The following FBH1 variants were observed in gnomAD, a reference collection of about 807,000 sequenced individuals.
FBH1 encodes the protein F-box DNA helicase 1.
FBH1 carries 43 observed loss-of-function variants against 115.5 expected under a neutral mutation model. The ratio of observed to expected loss-of-function variants is 0.37; its 90% confidence interval spans 0.29 to 0.48. The LOEUF is 0.48. FBH1 is among the 20% of genes least tolerant of loss of function. FBH1 has a pLI of 0.99. For synonymous variants in FBH1, 524 were observed against 507.8 expected (o/e 1.03, Z -0.43); for missense variants, 1,001 against 1,337.3 (o/e 0.75, Z 3.92).
intron 1 of FBH1, among the ~76,000 whole-genome samples, chr10:5,898,451 T>G (rs1458405177): frequency 6.7e-6 from 1 of 150,292 alleles, no homozygotes; most frequent in Non-Finnish European, 1.5e-5. Flanking sequence ...CTCTCCATTG[T>G]CCAGGCTGGA....
At chr10:5,934,967 C>T in intron 19 of FBH1, 1 of 152,188 alleles carries the variant, frequency 6.6e-6, no homozygotes, top group Non-Finnish European at 1.5e-5. Flanking sequence ...CAGGTGTGAC[C>T]CCCACCCCTT....
chr10:5,937,093 C>T lies in FBH1; in HGVS notation c.2962-17C>T, dbSNP rs1177073075. On this transcript the variant is annotated splice_polypyrimidine_tract_variant and intron_variant, in intron 20 of 20. Transcript: ENST00000362091. ...TTGGTTGTTCCCCTTAGCTCTCTCT[C>T]TTGTCCATCACCACAGAGCAACAGG... The T allele has an allele frequency of 2.5e-6, 4 of 1,581,440 alleles. No individual in the cohort carries two copies. Among genetic ancestry groups the T allele is most frequent in the Middle Eastern group, 3.4e-4 (2 of 5,906 alleles).
intron 6 of FBH1, among the ~76,000 whole-genome samples, chr10:5,912,001 T>G (rs1589078830): frequency 6.6e-6 from 1 of 151,288 alleles, no homozygotes. Context: ...GTGGCAAGGG[T>G]GGGAGGGAAC....
rs567963171 is a variant in FBH1, at chr10:5,911,804, G to A, written c.1211+676G>A. Among the ~76,000 whole-genome samples, 97 of 152,322 alleles carry A rather than the reference G, an allele frequency of 6.4e-4. No homozygotes were observed. Among genetic ancestry groups the A allele is most frequent in the Non-Finnish European group, 7.1e-4 (48 of 68,032 alleles). ...AGAAAATAGAACAGAGAGCTGTGGG[G>A]TGAATGCTGCTTTAGAGGGGTGGAA... On this transcript the variant is annotated intron_variant, in intron 6 of 20. Transcript: ENST00000362091. The surrounding 1 kb of genome is among the most constrained non-coding windows in gnomAD (Gnocchi z 5.4).
chr10:5,890,431 G>A, intron 1 of FBH1, 85 bp downstream of exon 1: 1 of 349,726 alleles, frequency 2.9e-6, no homozygotes, highest in Non-Finnish European at 5.4e-6. Context: ...TGCGCGGGGG[G>A]TCCGGGCCCG....
rs1311853977 is a variant in FBH1, at chr10:5,895,106, T to TG, written c.1+4761dup. The TG allele has an allele frequency of 1.2e-6, 2 of 1,613,934 alleles. No homozygotes were observed. The highest frequency in any genetic ancestry group is 1.7e-6 in the Non-Finnish European group (2 of 1,179,962). On this transcript the variant is annotated intron_variant, in intron 1 of 20. Coordinates refer to ENST00000362091, the MANE Select transcript of FBH1 (RefSeq NM_178150.3). This position sits in a 1 kb window ranked among gnomAD's most constrained non-coding sequence, Gnocchi z 5.0. The stretch of plus-strand genomic sequence containing the variant: ...TGAGTCATGTGATAATGGGCTACAT[T>TG]GCGCAGGGCCCCTGGGCCATCTCCA...
intron 1 of FBH1, among the ~76,000 whole-genome samples, chr10:5,893,460 A>G (rs982388706): frequency 6.6e-6 from 1 of 152,138 alleles, no homozygotes; most frequent in Non-Finnish European, 1.5e-5. Flanking sequence ...TTCCAGCCTT[A>G]TCTCCTGTCA....
rs74529399 is a variant in FBH1 at position 5,906,940 on chromosome 10, G to A, written c.753+308G>A. 0.013 allele frequency among the ~76,000 whole-genome samples: 2,009 copies of A among 151,904 alleles called. 26 individuals carry two copies. The highest frequency in any genetic ancestry group is 0.039 in the African/African-American group (1,601 of 41,406). The stretch of plus-strand genomic sequence containing the variant: ...CATCCTCCCACCTTCCCCACCTGGA[G>A]GGTTCCTCATATCTCCCTTGACTTC... On this transcript the variant is annotated intron_variant, in intron 3 of 20. Coordinates refer to ENST00000362091, the MANE Select transcript of FBH1 (RefSeq NM_178150.3). This position sits in a 1 kb window ranked among gnomAD's most constrained non-coding sequence, Gnocchi z 7.3.
chr10:5,891,050 C>A, intron 1 of FBH1: 1 of 535,938 alleles, frequency 1.9e-6, no homozygotes, highest in Non-Finnish European at 2.4e-6. Flanking sequence ...TATGAGGCAT[C>A]AGTAGGGTTT....
chr10:5,892,363 C>T (rs1196571892), intron 1 of FBH1, among the ~76,000 whole-genome samples: 2 of 152,118 alleles, frequency 1.3e-5, no homozygotes, highest in Non-Finnish European at 2.9e-5. Context: ...GTGTAGACAC[C>T]ACTATTGGTA....
At position 5,910,823 on chromosome 10, in the gene FBH1, A is replaced by G; in HGVS notation, c.1021-115A>G. ...TGGAAAGTTTGGATTCAGTCCAGAC[A>G]GTCTGTAGCCAGCAGCTGGACCCGT... On this transcript the variant is annotated intron_variant, in intron 5 of 20. Coordinates refer to ENST00000362091, the MANE Select transcript of FBH1 (RefSeq NM_178150.3). This position sits in a 1 kb window ranked among gnomAD's most constrained non-coding sequence, Gnocchi z 4.8. 1.2e-6 allele frequency: 1 copy of G among 856,172 alleles called. No homozygotes were observed. Among genetic ancestry groups the G allele is most frequent in the Non-Finnish European group, 1.8e-6 (1 of 563,590 alleles). The allele number at this position is 856,172 out of a possible 1,614,324, so 53.0% of individuals were successfully genotyped here.
chr10:5,923,556 A>G lies in FBH1; in HGVS notation c.2323-65A>G, dbSNP rs567689311. On this transcript the variant is annotated intron_variant, in intron 15 of 20. Coordinates refer to ENST00000362091, the MANE Select transcript of FBH1 (RefSeq NM_178150.3). This position sits in a 1 kb window ranked among gnomAD's most constrained non-coding sequence, Gnocchi z 5.7. ...TTGCTTTATTTTGTTTTGTTAAAGC[A>G]ACAACAAACAAAACAAAACAAAAAA... 1 of 1,377,568 alleles carries G rather than the reference A, an allele frequency of 7.3e-7. No homozygotes were observed. Among genetic ancestry groups the G allele is most frequent in the East Asian group, 2.3e-5 (1 of 43,586 alleles). 85.3% of individuals were successfully genotyped at this position (1,377,568 alleles called of 1,614,324 possible).
Position 5,917,608 on chromosome 10 carries a change from A to C in FBH1, c.1895A>C (p.Gln632Pro). 1 of 1,614,192 alleles carries C rather than the reference A, an allele frequency of 6.2e-7. No individual in the cohort carries two copies. The highest frequency in any genetic ancestry group is 8.5e-7 in the Non-Finnish European group (1 of 1,180,026). Reference protein sequence around the residue: ...MTHDGYLKLWQLSKPSLASFD... With the variant: ...MTHDGYLKLWPLSKPSLASFD... ...ATTTTAGGCTACTTGAAACTCTGGC[A>C]GCTGAGCAAGCCTTCGCTGGCCTCT... Residue 632 changes from glutamine to proline, a missense_variant, in exon 12 of 21, where the codon CAG becomes CCG. Gln to Pro is a moderately conservative substitution (Grantham distance 76). This residue lies in a region of FBH1 where 521 missense variants were observed against 811.0 expected (regional missense o/e 0.64). Coordinates refer to ENST00000362091, the MANE Select transcript of FBH1 (RefSeq NM_178150.3). The surrounding 1 kb of genome is among the most constrained non-coding windows in gnomAD (Gnocchi z 5.6).
rs1028481205 is a variant in FBH1 at position 5,936,384 on chromosome 10, C to T, written c.2830-72C>T. On this transcript the variant is annotated intron_variant, in intron 19 of 20. Coordinates refer to ENST00000362091, the MANE Select transcript of FBH1 (RefSeq NM_178150.3). This position sits in a 1 kb window ranked among gnomAD's most constrained non-coding sequence, Gnocchi z 5.6. ...ATCTAAAGGGTTCTCACAGAGCCGC[C>T]GCTATCAGTGTTTCCAGTAGACCCT... 1.2e-5 allele frequency: 18 copies of T among 1,563,518 alleles called. No homozygotes were observed. Among genetic ancestry groups the T allele is most frequent in the Middle Eastern group, 2.2e-4 (1 of 4,566 alleles).
rs1831796942 is a variant in FBH1 at position 5,914,393 on chromosome 10, A to G, written c.1396+124A>G. 3 of 785,354 alleles carry G rather than the reference A, an allele frequency of 3.8e-6. No individual in the cohort carries two copies. The highest frequency in any genetic ancestry group is 4.3e-6 in the Non-Finnish European group (2 of 469,740). The allele number at this position is 785,354 out of a possible 1,614,324, so 48.6% of individuals were successfully genotyped here. Reference sequence around the variant, plus strand: ...GTCATCCAACTAATAATTCAATAACAGATCAAATAATCAATCTCAAAAGCA... The same window carrying G: ...GTCATCCAACTAATAATTCAATAACGGATCAAATAATCAATCTCAAAAGCA... On this transcript the variant is annotated intron_variant, in intron 8 of 20. Transcript: ENST00000362091. This position sits in a 1 kb window ranked among gnomAD's most constrained non-coding sequence, Gnocchi z 5.2.
chr10:5,894,357 A>G (rs956605232), intron 1 of FBH1: 39 of 1,569,756 alleles, frequency 2.5e-5, no homozygotes, highest in Non-Finnish European at 3.1e-5. Flanking sequence ...AAAATGTAAT[A>G]TGGAAATTAA....
At chr10:5,898,407 C>T (rs562950971) in intron 1 of FBH1, among the ~76,000 whole-genome samples, 7 of 152,012 alleles carry the variant, frequency 4.6e-5, no homozygotes, top group East Asian at 3.9e-4. Flanking sequence ...CTTCCTAGAA[C>T]CGCATTTTTT....
chr10:5,917,136 A>G lies in FBH1; in HGVS notation c.1789-284A>G. On this transcript the variant is annotated intron_variant, in intron 10 of 20. Transcript: ENST00000362091. This position sits in a 1 kb window ranked among gnomAD's most constrained non-coding sequence, Gnocchi z 5.6. ...TGTTTTTGTGAATTAAGCATCAGTC[A>G]TAAATCTAGAAGAACAATTTGGCCT... The G allele has an allele frequency of 2.5e-6, 1 of 404,928 alleles. No individual in the cohort carries two copies. Among genetic ancestry groups the G allele is most frequent in the Non-Finnish European group, 4.5e-6 (1 of 220,226 alleles). 25.1% of individuals were successfully genotyped at this position (404,928 alleles called of 1,614,324 possible).
Position 5,931,904 on chromosome 10 carries a change from G to A in FBH1, c.2829+4363G>A, listed in dbSNP as rs567140333. On this transcript the variant is annotated intron_variant, in intron 19 of 20. Coordinates refer to ENST00000362091, the MANE Select transcript of FBH1 (RefSeq NM_178150.3). The surrounding 1 kb of genome is among the most constrained non-coding windows in gnomAD (Gnocchi z 4.3). ...CACCCCTGTAATCCCAGCACTTTGC[G>A]GGGCTGAGGCAGACAGGTCACTTTA... Among the ~76,000 whole-genome samples, 97 of 152,298 alleles carry A rather than the reference G, an allele frequency of 6.4e-4. No individual in the cohort carries two copies. The highest frequency in any genetic ancestry group is 3.4e-3 in the Middle Eastern group (1 of 294).
Sources: allele counts gnomAD v4.1 joint callset (sites outside exome capture counted in the v4.1 genomes callset), GRCh38; gene constraint gnomAD v4.1.1; regional missense constraint gnomAD v4.1.1; non-coding constraint Gnocchi (gnomAD v3.1); transcripts MANE v1.5; gene names NCBI Gene and HGNC (gene_info 2026-07-23, HGNC 2026-07-21).